GNAQ: variants seen among roughly 807,000 people sequenced by gnomAD.
The protein encoded by GNAQ is guanine nucleotide-binding protein G(q) subunit alpha.
A neutral mutation model predicts 43.9 loss-of-function variants in GNAQ; 8 were observed. The observed-to-expected ratio is 0.18, with a 90% CI of 0.11 to 0.33. The LOEUF is 0.33. GNAQ is among the 10% of genes least tolerant of loss of function. The pLI, the probability that GNAQ is intolerant of heterozygous loss-of-function variation, is 1.00. For missense variants in GNAQ, 158 were observed against 450.8 expected, an observed-to-expected ratio of 0.35 and a Z score of 5.88; for synonymous variants, 155 against 170.7, an observed-to-expected ratio of 0.91 and a Z score of 0.71.
intron 5 of GNAQ, among the ~76,000 whole-genome samples, chr9:77,792,672 C>T (rs1194046175): frequency 6.6e-6 from 1 of 152,080 alleles, no homozygotes; most frequent in Admixed American, 6.6e-5. Flanking sequence ...TACATCATGA[C>T]ATATACTTCT....
intron 2 of GNAQ, among the ~76,000 whole-genome samples, chr9:77,821,686 T>C (rs1046345863): frequency 7.9e-5 from 12 of 151,732 alleles, no homozygotes; most frequent in African/African-American, 2.4e-4. Context: ...AGTTCTACTA[T>C]TATCTTCATA....
At chr9:77,754,264 C>T (rs544783744) in intron 5 of GNAQ, among the ~76,000 whole-genome samples, 2 of 152,308 alleles carry the variant, frequency 1.3e-5, no homozygotes, top group South Asian at 2.1e-4. Flanking sequence ...TGCCACACTG[C>T]ATTCTGACTG....
chr9:77,956,426 T>G (rs1462975447), intron 1 of GNAQ, among the ~76,000 whole-genome samples: 1 of 152,244 alleles, frequency 6.6e-6, no homozygotes, highest in Admixed American at 6.5e-5. Flanking sequence ...GTCCTTGGAA[T>G]GCAGGAAGAG....
intron 1 of GNAQ, among the ~76,000 whole-genome samples, chr9:77,935,207 C>T (rs1829213036): frequency 1.3e-5 from 2 of 152,130 alleles, no homozygotes; most frequent in Non-Finnish European, 2.9e-5. Flanking sequence ...CACACATGTA[C>T]AAGCAAGCCA....
chr9:77,869,273 TTA>T (rs1437653188), intron 2 of GNAQ, among the ~76,000 whole-genome samples: 1 of 152,184 alleles, frequency 6.6e-6, no homozygotes, highest in African/African-American at 2.4e-5. Context: ...AATAAAAAGA[TTA>T]TGTTTTCTCT....
chr9:77,798,553 C>T (rs1283039347), intron 3 of GNAQ, among the ~76,000 whole-genome samples: 1 of 152,148 alleles, frequency 6.6e-6, no homozygotes, highest in Non-Finnish European at 1.5e-5. Context: ...TGTATACAGT[C>T]ATCCCTCAGT....
In GNAQ at chr9:77,721,306, G is replaced by A. The variant is rs1356261602; in HGVS notation, c.*17C>T. 7 of 1,555,458 alleles carry A rather than the reference G, an allele frequency of 4.5e-6. No individual in the cohort carries two copies. The highest frequency in any genetic ancestry group is 6.1e-6 in the Non-Finnish European group (7 of 1,139,144). On this transcript the variant is annotated 3_prime_UTR_variant, in exon 7 of 7. Coordinates refer to ENST00000286548, the MANE Select transcript of GNAQ (RefSeq NM_002072.5). Reference sequence around the variant, plus strand: ...AGCCCACCAGGGAAGGGCAGGGCGGGTGTCTAGGAGGCACAATTAGACCAG... The same window carrying A: ...AGCCCACCAGGGAAGGGCAGGGCGGATGTCTAGGAGGCACAATTAGACCAG...
intron 3 of GNAQ, among the ~76,000 whole-genome samples, chr9:77,802,925 AT>A (rs1007109097): frequency 3.3e-5 from 5 of 151,780 alleles, no homozygotes; most frequent in Admixed American, 6.6e-5. Flanking sequence ...TTAATTTATA[AT>A]TTTTTTTAAA....
chr9:77,866,136 A>C (rs1428272290), intron 2 of GNAQ, among the ~76,000 whole-genome samples: 1 of 152,216 alleles, frequency 6.6e-6, no homozygotes, highest in Non-Finnish European at 1.5e-5. Flanking sequence ...CTGCTTCATA[A>C]TATTTATCAC....
At chr9:77,917,376 G>C (rs1021952333) in intron 2 of GNAQ, among the ~76,000 whole-genome samples, 2 of 152,000 alleles carry the variant, frequency 1.3e-5, no homozygotes, top group Non-Finnish European at 2.9e-5. Flanking sequence ...AGGAGGGTGG[G>C]GGGGAAGAAG....
chr9:78,002,874 G>A (rs1377641785), intron 1 of GNAQ, among the ~76,000 whole-genome samples: 3 of 152,002 alleles, frequency 2.0e-5, no homozygotes, highest in Non-Finnish European at 2.9e-5. Flanking sequence ...TTTGAGGGCC[G>A]GTAGAAAATG....
At chr9:77,849,596 G>T (rs1827641592) in intron 2 of GNAQ, among the ~76,000 whole-genome samples, 1 of 152,134 alleles carries the variant, frequency 6.6e-6, no homozygotes, top group South Asian at 2.1e-4. Context: ...CCCCCATCCT[G>T]TTGTAATCTG....
At chr9:77,910,903 T>C (rs1380362037) in intron 2 of GNAQ, among the ~76,000 whole-genome samples, 2 of 152,200 alleles carry the variant, frequency 1.3e-5, no homozygotes, top group Admixed American at 6.5e-5. Context: ...TCAAACCAAG[T>C]TGTGTATGAC....
chr9:77,957,056 CAATGTAAAAACTT>C (rs1297056215), intron 1 of GNAQ, among the ~76,000 whole-genome samples: 2 of 152,052 alleles, frequency 1.3e-5, no homozygotes, highest in Non-Finnish European at 2.9e-5. Context: ...TAAATGCTGG[CAATGTAAAAACTT>C]AATAATAGGC....
At chr9:77,781,276 G>C (rs1826388958) in intron 5 of GNAQ, among the ~76,000 whole-genome samples, 1 of 151,682 alleles carries the variant, frequency 6.6e-6, no homozygotes, top group Non-Finnish European at 1.5e-5. Context: ...TAAAGGGTGG[G>C]ACGTGGGGGT....
At chr9:77,813,331 C>CA (rs1189980029) in intron 3 of GNAQ, among the ~76,000 whole-genome samples, 1 of 152,146 alleles carries the variant, frequency 6.6e-6, no homozygotes, top group Admixed American at 6.5e-5. Flanking sequence ...TAGAGGGCCC[C>CA]ACGTTTTGGT....
chr9:77,886,646 G>C (rs1828311333), intron 2 of GNAQ, among the ~76,000 whole-genome samples: 1 of 152,092 alleles, frequency 6.6e-6, no homozygotes, highest in Non-Finnish European at 1.5e-5. Context: ...AAGAGTAAAT[G>C]ATGTAAAATA....
rs1343715348 is a variant in GNAQ, at chr9:77,794,583, A to G, written c.615T>C (p.Asp205=). The G allele has an allele frequency of 2.5e-6, 4 of 1,603,114 alleles. No individual in the cohort carries two copies. Among genetic ancestry groups the G allele is most frequent in the Non-Finnish European group, 3.4e-6 (4 of 1,171,650 alleles). ...DLQSVIFRMV[D]VGGQRSERRK... is the part of the protein sequence containing the mutation. Reference sequence around the variant, plus strand: ...TTCTCTCTGACCTTTGGCCCCCTACATCGACCATTCTGCAAGGTTAACAAT... The same window carrying G: ...TTCTCTCTGACCTTTGGCCCCCTACGTCGACCATTCTGCAAGGTTAACAAT... Residue 205 remains aspartate (D), a synonymous_variant, in exon 5 of 7, where the codon GAT becomes GAC. Coordinates refer to ENST00000286548, the MANE Select transcript of GNAQ (RefSeq NM_002072.5).
At chr9:77,956,351 G>A (rs923375994) in intron 1 of GNAQ, among the ~76,000 whole-genome samples, 13 of 152,180 alleles carry the variant, frequency 8.5e-5, no homozygotes, top group Non-Finnish European at 1.6e-4. Context: ...AAGATTCCTA[G>A]CTATCTTGTT....
Sources: allele counts gnomAD v4.1 joint callset (sites outside exome capture counted in the v4.1 genomes callset), GRCh38; gene constraint gnomAD v4.1.1; transcripts MANE v1.5; gene names NCBI Gene and HGNC (gene_info 2026-07-23, HGNC 2026-07-21).